The following RIN3 variants were observed in gnomAD, a reference collection of about 807,000 sequenced individuals.
RIN3 encodes the protein RAB5 interacting protein 3.
RIN3 carries 54 observed loss-of-function variants against 76.3 expected under a neutral mutation model. The observed-to-expected ratio is 0.71, with a 90% CI of 0.57 to 0.89. The LOEUF is 0.89. Ranked by LOEUF, RIN3 falls within the 40% of genes least tolerant of loss-of-function variation. The pLI is 0.00. For synonymous variants in RIN3, 576 were observed against 564.0 expected (o/e 1.02, Z -0.30); for missense variants, 1,256 against 1,322.1 (o/e 0.95, Z 0.78).
chr14:92,531,721 A>AGGGCTGCTATCCTTG (rs1217901215), intron 1 of RIN3, among the ~76,000 whole-genome samples: 1 of 152,172 alleles, frequency 6.6e-6, no homozygotes. Flanking sequence ...TGGGCGTGTC[A>AGGGCTGCTATCCTTG]GGGCTGCTAT....
chr14:92,576,058 G>C (rs1205791956), intron 2 of RIN3, among the ~76,000 whole-genome samples: 1 of 152,156 alleles, frequency 6.6e-6, no homozygotes, highest in Non-Finnish European at 1.5e-5. Flanking sequence ...TAAGCTCCAG[G>C]GGTGGGGTCA....
chr14:92,687,657 C>G, intron 9 of RIN3: 1 of 487,442 alleles, frequency 2.1e-6, no homozygotes, highest in Admixed American at 4.1e-5. Context: ...GGACCAGCAG[C>G]CAGGGGACGC....
chr14:92,664,495 G>C (rs12884371), intron 7 of RIN3, among the ~76,000 whole-genome samples: 25,007 of 149,798 alleles, frequency 0.17, 2,671 homozygotes, highest in Non-Finnish European at 0.23. Flanking sequence ...AGCCTCCCAA[G>C]TAGCTGGGAC....
chr14:92,523,487 TTC>T (rs148588760), intron 1 of RIN3, among the ~76,000 whole-genome samples: 5,723 of 152,284 alleles, frequency 0.038, 152 homozygotes, highest in Non-Finnish European at 0.058. Context: ...ACAGAGAGCT[TTC>T]TATCTCTGTC....
Position 92,652,065 on chromosome 14 carries a change from T to G in RIN3, c.1016T>G (p.Met339Arg), listed in dbSNP as rs150737721. 295 of 1,595,286 alleles carry G rather than the reference T, an allele frequency of 1.8e-4. 1 individual carries two copies. In the African/African-American group the frequency reaches 3.2e-3, roughly 17 times the overall value. The change falls in exon 6 of 10, where the codon ATG becomes AGG. Residue 339 changes from methionine to arginine, a missense_variant. Physicochemically the swap from Met to Arg is moderately conservative, Grantham distance 91 (BLOSUM62 -1). Around this residue, in one of 3 missense-constraint regions of RIN3, gnomAD observed 610 missense variants for 626.4 expected, o/e 0.97. Coordinates refer to ENST00000216487, the MANE Select transcript of RIN3 (RefSeq NM_024832.5). This position sits in a 1 kb window ranked among gnomAD's most constrained non-coding sequence, Gnocchi z 6.4. Reference sequence around the variant, plus strand: ...GACCATCCGAACCAGCCGCCCATGATGACCTGCGAGAGACTCCCATGCCCC... The same window carrying G: ...GACCATCCGAACCAGCCGCCCATGAGGACCTGCGAGAGACTCCCATGCCCC... ...PPDHPNQPPM[M>R]TCERLPCPTA...
chr14:92,604,574 G>C (rs914344797), intron 3 of RIN3, among the ~76,000 whole-genome samples: 1 of 152,062 alleles, frequency 6.6e-6, no homozygotes, highest in African/African-American at 2.4e-5. Flanking sequence ...TCCTGTAGGG[G>C]TGGTGTCCAA....
intron 5 of RIN3, among the ~76,000 whole-genome samples, chr14:92,646,538 G>A (rs1470212027): frequency 6.6e-6 from 1 of 152,142 alleles, no homozygotes; most frequent in Non-Finnish European, 1.5e-5. Context: ...AGGTTTAAGC[G>A]ATTCTCCTGC....
chr14:92,651,882 G>GCCCCCCCCCCCC lies in RIN3; in HGVS notation c.835_836insCCCCCCCCCCCC (p.Arg278_Arg279insProProProPro). The GCCCCCCCCCCCC allele has an allele frequency of 1.3e-6, 2 of 1,554,474 alleles. No individual in the cohort carries two copies. Among genetic ancestry groups the GCCCCCCCCCCCC allele is most frequent in the South Asian group, 2.3e-5 (2 of 88,398 alleles). ...TCACCCACCTCCAGGTGGGCCCCAC[G>GCCCCCCCCCCCC]CCGCCCACCACCCCCTCCCCCAGTG... On this transcript the variant is annotated inframe_insertion, in exon 6 of 10. Coordinates refer to ENST00000216487, the MANE Select transcript of RIN3 (RefSeq NM_024832.5).
intron 3 of RIN3, among the ~76,000 whole-genome samples, chr14:92,581,014 T>G (rs1422570286): frequency 6.6e-6 from 1 of 152,198 alleles, no homozygotes; most frequent in Non-Finnish European, 1.5e-5. Context: ...CTCCGTCTTG[T>G]GAAGTCCAGC....
At chr14:92,658,810 C>A (rs781325814) in intron 6 of RIN3, among the ~76,000 whole-genome samples, 2 of 152,172 alleles carry the variant, frequency 1.3e-5, no homozygotes, top group Admixed American at 6.5e-5. Flanking sequence ...ATACAGCTGC[C>A]CAGGTTGTAC....
At chr14:92,676,674 T>A in intron 8 of RIN3, 68 bp downstream of exon 8, 1 of 1,553,408 alleles carries the variant, frequency 6.4e-7, no homozygotes, top group Non-Finnish European at 8.8e-7. Context: ...ACGGGCACTC[T>A]AGGTGGCCCA....
chr14:92,642,523 T>C (rs1390393765), intron 5 of RIN3, among the ~76,000 whole-genome samples: 1 of 152,048 alleles, frequency 6.6e-6, no homozygotes, highest in Non-Finnish European at 1.5e-5. Flanking sequence ...CATCAACAAG[T>C]CTTTAGTAAA....
chr14:92,679,739 G>A (rs1468526541), intron 8 of RIN3, among the ~76,000 whole-genome samples: 4 of 152,176 alleles, frequency 2.6e-5, no homozygotes, highest in South Asian at 2.1e-4. Context: ...TGCTTAGGGT[G>A]GGAGGTGGGG....
intron 3 of RIN3, among the ~76,000 whole-genome samples, chr14:92,599,593 A>G (rs1474881657): frequency 6.6e-6 from 1 of 152,086 alleles, no homozygotes; most frequent in Non-Finnish European, 1.5e-5. Flanking sequence ...GGTGCCTGTG[A>G]TGGAGTGGGA....
intron 8 of RIN3, among the ~76,000 whole-genome samples, chr14:92,677,003 AG>A (rs1397192366): frequency 1.3e-5 from 2 of 151,876 alleles, no homozygotes; most frequent in African/African-American, 4.8e-5. Context: ...GAACAGCAGG[AG>A]GTAGTAGTAT....
intron 3 of RIN3, among the ~76,000 whole-genome samples, chr14:92,582,915 C>T (rs907351850): frequency 2.0e-5 from 3 of 152,184 alleles, no homozygotes; most frequent in Non-Finnish European, 4.4e-5. Flanking sequence ...TTGATGCCCT[C>T]CTCCTTGACA....
At position 92,685,266 on chromosome 14, in the gene RIN3, T is replaced by G; in HGVS notation, c.2631+116T>G. On this transcript the variant is annotated intron_variant, in intron 9 of 9. Transcript: ENST00000216487. The surrounding 1 kb of genome is among the most constrained non-coding windows in gnomAD (Gnocchi z 4.7). ...GCTGCTCCAGCCGCCCAGCCCTGCC[T>G]TAGGGGAGCAGTGAGACTCCCCACA... 1.7e-6 allele frequency: 2 copies of G among 1,150,522 alleles called. No homozygotes were observed. Among genetic ancestry groups the G allele is most frequent in the South Asian group, 3.1e-5 (2 of 64,766 alleles). 71.3% of individuals were successfully genotyped at this position (1,150,522 alleles called of 1,614,324 possible).
intron 5 of RIN3, among the ~76,000 whole-genome samples, chr14:92,649,589 T>C (rs760830970): frequency 2.6e-5 from 4 of 152,104 alleles, no homozygotes; most frequent in Non-Finnish European, 4.4e-5. Context: ...AGAACATGTA[T>C]GTACTCGAGG....
chr14:92,533,746 A>C (rs1896934400), intron 1 of RIN3, among the ~76,000 whole-genome samples: 1 of 152,170 alleles, frequency 6.6e-6, no homozygotes. Flanking sequence ...GAGGAATAAA[A>C]GGCTACAAAT....
Sources: gnomAD v4.1 joint callset for allele counts (sites outside exome capture counted in the v4.1 genomes callset) on GRCh38, gnomAD v4.1.1 for gene constraint, gnomAD v4.1.1 regional missense constraint, Gnocchi (gnomAD v3.1) non-coding constraint, MANE v1.5 for transcripts, NCBI Gene and HGNC (gene_info 2026-07-23, HGNC 2026-07-21) for gene names.